Variants in CNTN4 observed in about 807,000 individuals in gnomAD.
CNTN4 encodes contactin-4.
Under a neutral mutation model 122.5 loss-of-function variants are expected in CNTN4, and 77 were observed. The ratio of observed to expected loss-of-function variants is 0.63; its 90% CI spans 0.52 to 0.76. CNTN4 has a LOEUF of 0.76. CNTN4 is among the 30% of genes least tolerant of loss of function. The pLI is 0.00. For missense variants in CNTN4, 1,256 were observed against 1,259.1 expected (o/e 1.00, Z 0.04); for synonymous variants, 512 against 447.0 (o/e 1.15, Z -1.83).
At chr3:2,569,542 T>C (rs186304838) in intron 3 of CNTN4, among the ~76,000 whole-genome samples, 1 of 151,702 alleles carries the variant, frequency 6.6e-6, no homozygotes, top group African/African-American at 2.4e-5. Context: ...ATGTAATATA[T>C]TTTTTTACAT....
chr3:2,913,921 T>C lies in CNTN4; in HGVS notation c.1207+10916T>C, dbSNP rs148264610. 7.0e-3 allele frequency among the ~76,000 whole-genome samples: 1,069 copies of C among 152,276 alleles called. 13 individuals are homozygous for C. The highest frequency in any genetic ancestry group is 0.023 in the African/African-American group (966 of 41,562). On this transcript the variant is annotated intron_variant, in intron 12 of 24. Coordinates refer to ENST00000418658, the MANE Select transcript of CNTN4 (RefSeq NM_175607.3). ...CATATGTTAGGGTACAAATAAGTTT[T>C]AACAGATTTAAGAAAATTGAAATTA...
At chr3:2,600,168 G>A (rs2080970111) in intron 4 of CNTN4, among the ~76,000 whole-genome samples, 1 of 150,808 alleles carries the variant, frequency 6.6e-6, no homozygotes, top group African/African-American at 2.4e-5. Context: ...TCTCTTTCTG[G>A]GGCTCTAATT....
At chr3:2,715,257 T>C (rs2087422260) in intron 4 of CNTN4, among the ~76,000 whole-genome samples, 1 of 152,148 alleles carries the variant, frequency 6.6e-6, no homozygotes, top group Non-Finnish European at 1.5e-5. Context: ...AAATGAATTG[T>C]GAAAATACAT....
chr3:2,798,389 C>CTATCTATCTATCTATCTATA (rs1475084704), intron 6 of CNTN4, among the ~76,000 whole-genome samples: 2 of 150,668 alleles, frequency 1.3e-5, no homozygotes, highest in South Asian at 2.1e-4. Flanking sequence ...ATCTATCTAT[C>CTATCTATCTATCTATCTATA]TATATATCTA....
intron 3 of CNTN4, among the ~76,000 whole-genome samples, chr3:2,516,923 G>T (rs1196221468): frequency 6.6e-6 from 1 of 151,708 alleles, no homozygotes; most frequent in East Asian, 1.9e-4. Context: ...CTGCAAGCAA[G>T]CAATAACAAA....
intron 3 of CNTN4, among the ~76,000 whole-genome samples, chr3:2,453,207 GTCAA>G (rs895465768): frequency 8.7e-4 from 132 of 151,574 alleles, no homozygotes; most frequent in African/African-American, 3.1e-3. Flanking sequence ...AAAAAAAAAA[GTCAA>G]TCAAGTCAGA....
intron 2 of CNTN4, among the ~76,000 whole-genome samples, chr3:2,206,807 T>A (rs1559341910): frequency 6.6e-6 from 1 of 152,060 alleles, no homozygotes; most frequent in Non-Finnish European, 1.5e-5. Context: ...TAAACTGCCT[T>A]AATATAGAAA....
chr3:2,317,755 A>T (rs1049818091), intron 2 of CNTN4, among the ~76,000 whole-genome samples: 3 of 152,202 alleles, frequency 2.0e-5, no homozygotes, highest in African/African-American at 7.2e-5. Context: ...GCTAGGTAGG[A>T]GACAGGAAAC....
At chr3:2,677,350 G>A (rs1217461032) in intron 4 of CNTN4, among the ~76,000 whole-genome samples, 1 of 148,526 alleles carries the variant, frequency 6.7e-6, no homozygotes, top group Non-Finnish European at 1.5e-5. Flanking sequence ...TTGTGGTGGG[G>A]GGCACAGAGT....
chr3:2,134,715 C>G (rs531094943), intron 2 of CNTN4, among the ~76,000 whole-genome samples: 1 of 152,278 alleles, frequency 6.6e-6, no homozygotes, highest in South Asian at 2.1e-4. Context: ...GCTGAACACC[C>G]TCAGTGCAAG....
intron 3 of CNTN4, among the ~76,000 whole-genome samples, chr3:2,559,909 G>T (rs181172546): frequency 6.6e-6 from 1 of 152,152 alleles, no homozygotes; most frequent in Non-Finnish European, 1.5e-5. Flanking sequence ...ACTTTACCGT[G>T]ATACCCAGTG....
At chr3:2,333,693 G>T (rs7639586) in intron 2 of CNTN4, among the ~76,000 whole-genome samples, 71,533 of 152,036 alleles carry the variant, frequency 0.47, 17,183 homozygotes, top group East Asian at 0.8. Context: ...TGTTTGCTTG[G>T]AGCTAGACAG....
intron 3 of CNTN4, among the ~76,000 whole-genome samples, chr3:2,475,395 A>G (rs532338246): frequency 9.8e-5 from 15 of 152,344 alleles, no homozygotes; most frequent in Admixed American, 2.0e-4. Context: ...AGGATATGAC[A>G]TTAGTGTCAC....
At chr3:2,556,389 A>C (rs1575977943) in intron 3 of CNTN4, among the ~76,000 whole-genome samples, 3 of 152,200 alleles carry the variant, frequency 2.0e-5, no homozygotes. Flanking sequence ...TTACAAACGC[A>C]TGAGTTATTT....
chr3:2,606,172 A>G (rs2081250518), intron 4 of CNTN4, among the ~76,000 whole-genome samples: 1 of 152,204 alleles, frequency 6.6e-6, no homozygotes, highest in Admixed American at 6.5e-5. Flanking sequence ...TAGGGAGGTC[A>G]GTATGGACCA....
chr3:3,017,149 A>G (rs1697839123), intron 14 of CNTN4, among the ~76,000 whole-genome samples: 1 of 152,236 alleles, frequency 6.6e-6, no homozygotes, highest in South Asian at 2.1e-4. Context: ...TCTTTTTCCA[A>G]TTGGTTCCTC....
At chr3:2,307,074 A>G (rs538971001) in intron 2 of CNTN4, among the ~76,000 whole-genome samples, 8 of 152,200 alleles carry the variant, frequency 5.3e-5, no homozygotes, top group African/African-American at 1.7e-4. Context: ...ATTCCTTCCA[A>G]TCTAGGCACA....
intron 4 of CNTN4, among the ~76,000 whole-genome samples, chr3:2,673,028 T>C (rs1176758402): frequency 6.6e-6 from 1 of 152,200 alleles, no homozygotes; most frequent in Non-Finnish European, 1.5e-5. Context: ...GTTTCCAAAA[T>C]ATTTTTGTAC....
chr3:2,565,084 T>G lies in CNTN4; in HGVS notation c.-88-6332T>G, dbSNP rs530642530. Reference sequence around the variant, plus strand: ...CTCAAGGTCCTCTTTAATGTGGTATTATGATATTATGATGGAAACGGTGTC... The same window carrying G: ...CTCAAGGTCCTCTTTAATGTGGTATGATGATATTATGATGGAAACGGTGTC... On this transcript the variant is annotated intron_variant, in intron 3 of 24. Transcript: ENST00000418658. 1.9e-4 allele frequency among the ~76,000 whole-genome samples: 29 copies of G among 152,254 alleles called. 1 individual carries two copies. Among genetic ancestry groups the G allele is most frequent in the Middle Eastern group, 3.4e-3 (1 of 294 alleles).
Sources: allele counts gnomAD v4.1 joint callset (sites outside exome capture counted in the v4.1 genomes callset), GRCh38; gene constraint gnomAD v4.1.1; transcripts MANE v1.5; gene names NCBI Gene and HGNC (gene_info 2026-07-23, HGNC 2026-07-21).